Variants in P2RX7 observed in about 807,000 individuals in gnomAD.
P2RX7 encodes purinergic receptor P2X 7, also known as P2X purinoceptor 7.
In P2RX7, 62 loss-of-function variants were observed where a neutral mutation model predicts 71.6. The ratio of observed to expected loss-of-function variants is 0.87; its 90% CI spans 0.71 to 1.07. The LOEUF (loss-of-function observed/expected upper bound fraction) is 1.07, where lower values mean the gene tolerates loss of function less well. Ranked by LOEUF, P2RX7 falls within the 50% of genes least tolerant of loss-of-function variation. The probability of loss-of-function intolerance (pLI) is 0.00; values close to 1 mark genes in which losing one functional copy is unlikely to be tolerated. For synonymous variants in P2RX7, 299 were observed against 283.3 expected (o/e 1.06, Z -0.56); for missense variants, 686 against 748.5 (o/e 0.92, Z 0.97).
rs141151234 is a variant in P2RX7, at chr12:121,143,936, G to A, written c.125+10841G>A. On this transcript the variant is annotated intron_variant, in intron 1 of 12. Transcript: ENST00000328963. ...ACCGGTTTTAAATATACATTTCAAT[G>A]ACTTTTAGTAAATTTCCCAAGTTGT... is the stretch of plus-strand genomic sequence containing the variant. 1.8e-3 allele frequency among the ~76,000 whole-genome samples: 280 copies of A among 152,250 alleles called. 3 individuals carry two copies. The highest frequency in any genetic ancestry group is 6.4e-3 in the African/African-American group (265 of 41,528).
At chr12:121,175,331 C>G in intron 8 of P2RX7, 57 bp from the exon 9 acceptor site, 1 of 779,124 alleles carries the variant, frequency 1.3e-6, no homozygotes, top group African/African-American at 2.2e-5. Flanking sequence ...AAAAAAAAAC[C>G]CAAAACCCAG....
chr12:121,158,071 A>G (rs896710225), intron 3 of P2RX7, among the ~76,000 whole-genome samples: 4 of 151,926 alleles, frequency 2.6e-5, no homozygotes, highest in African/African-American at 9.7e-5. Context: ...GGGCTGGTCT[A>G]ATTGGGCATT....
At chr12:121,159,436 A>AAT in intron 3 of P2RX7, among the ~76,000 whole-genome samples, 1 of 151,582 alleles carries the variant, frequency 6.6e-6, no homozygotes, top group Admixed American at 6.6e-5. Flanking sequence ...AAAAAAAAAA[A>AAT]AAAAGACAAA....
chr12:121,154,448 G>A lies in P2RX7; in HGVS notation c.126-337G>A, dbSNP rs953127573. Among the ~76,000 whole-genome samples the A allele has an allele frequency of 1.1e-4, 16 of 152,156 alleles. No individual in the cohort carries two copies. The highest frequency in any genetic ancestry group is 3.4e-4 in the African/African-American group (14 of 41,432). ...ACAAAGCTGGCGAACCCACCGGGGC[G>A]AGACTTTATGACTTGAGAAGCTGTC... is the stretch of plus-strand genomic sequence containing the variant. On this transcript the variant is annotated intron_variant, in intron 1 of 12. Transcript: ENST00000328963. The surrounding 1 kb of genome is among the most constrained non-coding windows in gnomAD (Gnocchi z 4.2).
At chr12:121,177,969 C>T (rs750198315) in intron 11 of P2RX7, among the ~76,000 whole-genome samples, 1 of 152,090 alleles carries the variant, frequency 6.6e-6, no homozygotes, top group Admixed American at 6.6e-5. Flanking sequence ...TCCACCCACT[C>T]GGCCTCCCAC....
At chr12:121,166,001 A>G in intron 6 of P2RX7, 57 bp from the exon 7 acceptor site, 1 of 1,557,090 alleles carries the variant, frequency 6.4e-7, no homozygotes, top group South Asian at 1.2e-5. Context: ...TGGGAAAGAG[A>G]CAGATCTGTT....
chr12:121,184,608 C>A lies in P2RX7; in HGVS notation c.1594C>A (p.Pro532Thr). 1 of 1,613,156 alleles carries A rather than the reference C, an allele frequency of 6.2e-7. No individual in the cohort carries two copies. Among genetic ancestry groups the A allele is most frequent in the East Asian group, 2.2e-5 (1 of 44,820 alleles). ...GCAGTTCCTCCTGCTCTACCAGGAG[C>A]CCTTGCTGGCGCTGGATGTGGATTC... ...VLQFLLLYQE[P>T]LLALDVDSTN... Residue 532 changes from proline (P) to threonine (T), a missense_variant, in exon 13 of 13, where the codon CCC becomes ACC. Transcript: ENST00000328963.
intron 1 of P2RX7, among the ~76,000 whole-genome samples, chr12:121,147,757 G>A (rs904784847): frequency 1.1e-4 from 16 of 151,674 alleles, no homozygotes; most frequent in African/African-American, 3.9e-4. Context: ...GATTACAGGT[G>A]TGCACCACCA....
intron 1 of P2RX7, among the ~76,000 whole-genome samples, chr12:121,150,285 G>C (rs208288): frequency 0.12 from 18,147 of 152,198 alleles, 1,503 homozygotes; most frequent in African/African-American, 0.24. Context: ...CACAGAGACA[G>C]GTTTTCTGTT....
Position 121,186,955 on chromosome 12 carries a change from T to G in P2RX7, c.*2153T>G, listed in dbSNP as rs1247100481. ...TTTATGCCATTAACACTCTGTACTT[T>G]GCAGCCAATCAGAACTGACGCAGTC... On this transcript the variant is annotated 3_prime_UTR_variant, in exon 13 of 13. Coordinates refer to ENST00000328963, the MANE Select transcript of P2RX7 (RefSeq NM_002562.6). 6.6e-6 allele frequency: 1 copy of G among 152,252 alleles called. No homozygotes were observed. Among genetic ancestry groups the G allele is most frequent in the Non-Finnish European group, 1.5e-5 (1 of 68,046 alleles). The allele number at this position is 152,252 out of a possible 1,614,324, so 9.4% of individuals were successfully genotyped here.
At chr12:121,177,490 C>G in intron 11 of P2RX7, 44 bp downstream of exon 11, 3 of 1,579,756 alleles carry the variant, frequency 1.9e-6, no homozygotes, top group South Asian at 2.2e-5. Context: ...TGGAGAGATT[C>G]CATGAAATCA....
Position 121,166,136 on chromosome 12 carries a change from A to G in P2RX7, c.693A>G (p.Leu231=), listed in dbSNP as rs1880967590. 1 of 1,614,060 alleles carries G rather than the reference A, an allele frequency of 6.2e-7. No individual in the cohort carries two copies. The highest frequency in any genetic ancestry group is 1.3e-5 in the African/African-American group (1 of 75,048). ...ATCCACAGTGTCCCATTTTCCGACT[A>G]GGAGACATCTTCCGAGAAACAGGCG... ...TQNPQCPIFR[L]GDIFRETGDN... is the part of the protein sequence containing the mutation. Residue 231 remains leucine, a synonymous_variant, in exon 7 of 13, where the codon CTA becomes CTG. Transcript: ENST00000328963.
chr12:121,173,398 T>C (rs1653604), intron 8 of P2RX7, among the ~76,000 whole-genome samples: 79,549 of 151,876 alleles, frequency 0.52, 21,474 homozygotes, highest in African/African-American at 0.65. Flanking sequence ...GTTGGCCAGG[T>C]TGGTCTCAAA....
At chr12:121,161,123 G>T (rs762447689) in intron 4 of P2RX7, 149 bp downstream of exon 4, 58 of 712,118 alleles carry the variant, frequency 8.1e-5, no homozygotes, top group Non-Finnish European at 1.4e-4. Flanking sequence ...CCCATGCTTC[G>T]GCTCTGTCCC....
chr12:121,171,862 CTTT>C (rs779128209), intron 8 of P2RX7, among the ~76,000 whole-genome samples: 6 of 131,126 alleles, frequency 4.6e-5, no homozygotes, highest in Admixed American at 7.6e-5. Context: ...TTCTTTCTTT[CTTT>C]TTTTTTTTTT....
In P2RX7 at chr12:121,154,812, C is replaced by T; in HGVS notation, c.153C>T (p.Tyr51=). Residue 51 remains tyrosine, a synonymous_variant, in exon 2 of 13, where the codon TAC becomes TAT. Coordinates refer to ENST00000328963, the MANE Select transcript of P2RX7 (RefSeq NM_002562.6). This position sits in a 1 kb window ranked among gnomAD's most constrained non-coding sequence, Gnocchi z 4.2. ...VCFALVSDKL[Y]QRKEPVISSV... is the part of the protein sequence containing the mutation. ...TTGCTCTGGTGAGTGACAAGCTGTA[C>T]CAGCGGAAAGAGCCTGTCATCAGTT... 6.2e-7 allele frequency: 1 copy of T among 1,613,748 alleles called. No individual in the cohort carries two copies. The highest frequency in any genetic ancestry group is 8.5e-7 in the Non-Finnish European group (1 of 1,179,626).
At chr12:121,145,416 T>A (rs1049532869) in intron 1 of P2RX7, among the ~76,000 whole-genome samples, 1 of 151,734 alleles carries the variant, frequency 6.6e-6, no homozygotes, top group Admixed American at 6.6e-5. Context: ...AGAGAAGGGA[T>A]GGGGGTGGGA....
At position 121,154,825 on chromosome 12, in the gene P2RX7, C is replaced by T; in HGVS notation, c.166C>T (p.Pro56Ser). 1 of 1,614,052 alleles carries T rather than the reference C, an allele frequency of 6.2e-7. No homozygotes were observed. ...VSDKLYQRKEPVISSVHTKVK... is the reference protein window; with the variant it reads ...VSDKLYQRKESVISSVHTKVK... Reference sequence around the variant, plus strand: ...TGACAAGCTGTACCAGCGGAAAGAGCCTGTCATCAGTTCTGTGCACACCAA... The same window carrying T: ...TGACAAGCTGTACCAGCGGAAAGAGTCTGTCATCAGTTCTGTGCACACCAA... Residue 56 changes from proline to serine, a missense_variant, in exon 2 of 13, where the codon CCT becomes TCT. By Grantham distance (74) the Pro-to-Ser change is moderately conservative (BLOSUM62 -1). Transcript: ENST00000328963. The surrounding 1 kb of genome is among the most constrained non-coding windows in gnomAD (Gnocchi z 4.2).
chr12:121,183,018 A>C (rs1884378824), intron 12 of P2RX7, among the ~76,000 whole-genome samples: 1 of 151,990 alleles, frequency 6.6e-6, no homozygotes, highest in African/African-American at 2.4e-5. Flanking sequence ...TCTACTAAAA[A>C]TACAAAAAAA....
Sources: gnomAD v4.1 joint callset for allele counts (sites outside exome capture counted in the v4.1 genomes callset) on GRCh38, gnomAD v4.1.1 for gene constraint, Gnocchi (gnomAD v3.1) non-coding constraint, MANE v1.5 for transcripts, NCBI Gene and HGNC (gene_info 2026-07-23, HGNC 2026-07-21) for gene names.